The following ST6GALNAC3 variants were observed in gnomAD, a reference collection of about 807,000 sequenced individuals.
The protein encoded by ST6GALNAC3 is ST6 N-acetylgalactosaminide alpha-2,6-sialyltransferase 3.
A neutral mutation model predicts 32.7 loss-of-function variants in ST6GALNAC3; 25 were observed. The ratio of observed to expected loss-of-function variants is 0.76; its 90% CI spans 0.56 to 1.07. ST6GALNAC3 has a LOEUF of 1.07. Among genes scored for constraint, ST6GALNAC3 ranks in the 50% least tolerant of loss-of-function variants. The probability of loss-of-function intolerance (pLI) is 0.00; values close to 1 mark genes in which losing one functional copy is unlikely to be tolerated. For missense variants in ST6GALNAC3, 355 were observed against 382.4 expected, an observed-to-expected ratio of 0.93 and a Z score of 0.60; for synonymous variants, 129 against 133.1, an observed-to-expected ratio of 0.97 and a Z score of 0.21.
At chr1:76,480,552 G>T (rs1022408690) in intron 3 of ST6GALNAC3, among the ~76,000 whole-genome samples, 1 of 152,058 alleles carries the variant, frequency 6.6e-6, no homozygotes, top group African/African-American at 2.4e-5. Context: ...GTCTCCTGTA[G>T]GGGTACATAG....
intron 2 of ST6GALNAC3, among the ~76,000 whole-genome samples, chr1:76,349,640 A>G (rs1238039517): frequency 6.6e-6 from 1 of 152,178 alleles, no homozygotes; most frequent in Non-Finnish European, 1.5e-5. Context: ...AGATAGAACC[A>G]TCCTGATATA....
At chr1:76,218,627 A>G (rs952205970) in intron 1 of ST6GALNAC3, among the ~76,000 whole-genome samples, 9 of 152,220 alleles carry the variant, frequency 5.9e-5, no homozygotes, top group Admixed American at 6.5e-5. Flanking sequence ...TTATATATCA[A>G]CATTTATCTG....
intron 3 of ST6GALNAC3, among the ~76,000 whole-genome samples, chr1:76,494,468 T>TATATATATATATATATATACAC (rs1472545640): frequency 1.7e-5 from 1 of 59,526 alleles, no homozygotes; most frequent in Non-Finnish European, 2.9e-5. Flanking sequence ...TATATATATA[T>TATATATATATATATATATACAC]ACACACACAC....
chr1:76,239,506 A>G lies in ST6GALNAC3; in HGVS notation c.19-74299A>G, dbSNP rs573834345. 3.3e-3 allele frequency among the ~76,000 whole-genome samples: 509 copies of G among 152,244 alleles called. 3 individuals carry two copies. Among genetic ancestry groups the G allele is most frequent in the Non-Finnish European group, 5.0e-3 (337 of 68,006 alleles). Reference sequence around the variant, plus strand: ...CTCAGGAAGATTTTACTCATGGCAGAAGGCAAAGGGGGAGCAGGTGTGTCA... The same window carrying G: ...CTCAGGAAGATTTTACTCATGGCAGGAGGCAAAGGGGGAGCAGGTGTGTCA... On this transcript the variant is annotated intron_variant, in intron 1 of 4. Transcript: ENST00000328299.
At chr1:76,636,612 A>G (rs1388800660), downstream of ST6GALNAC3, among the ~76,000 whole-genome samples, 2 of 152,104 alleles carry the variant, frequency 1.3e-5, no homozygotes, top group African/African-American at 2.4e-5. Flanking sequence ...CCTTATATGC[A>G]TTCTCTCCCT....
At chr1:76,114,118 C>G in intron 1 of ST6GALNAC3, among the ~76,000 whole-genome samples, 1 of 151,180 alleles carries the variant, frequency 6.6e-6, no homozygotes, top group East Asian at 1.9e-4. Flanking sequence ...GCTGGGATTA[C>G]AGACATGAGT....
intron 1 of ST6GALNAC3, among the ~76,000 whole-genome samples, chr1:76,249,069 A>C (rs1657468366): frequency 6.6e-6 from 1 of 152,204 alleles, no homozygotes; most frequent in African/African-American, 2.4e-5. Context: ...GTATATAGTC[A>C]TAAGTTACTT....
intron 1 of ST6GALNAC3, among the ~76,000 whole-genome samples, chr1:76,213,005 A>G (rs1655253695): frequency 6.6e-6 from 1 of 152,204 alleles, no homozygotes; most frequent in African/African-American, 2.4e-5. Context: ...CTTGAAACGA[A>G]TAGCTGAATT....
At chr1:76,262,162 C>T (rs1322861786) in intron 1 of ST6GALNAC3, among the ~76,000 whole-genome samples, 1 of 152,180 alleles carries the variant, frequency 6.6e-6, no homozygotes, top group Non-Finnish European at 1.5e-5. Flanking sequence ...ATGTGCTCAG[C>T]ACGCTTTACC....
intron 2 of ST6GALNAC3, among the ~76,000 whole-genome samples, chr1:76,335,821 G>A (rs893378708): frequency 6.6e-6 from 1 of 152,110 alleles, no homozygotes; most frequent in Non-Finnish European, 1.5e-5. Flanking sequence ...GCACCAGGTG[G>A]GTTGACTGAC....
chr1:76,475,204 G>C (rs184642474), intron 3 of ST6GALNAC3, among the ~76,000 whole-genome samples: 1 of 152,274 alleles, frequency 6.6e-6, no homozygotes, highest in East Asian at 1.9e-4. Flanking sequence ...CTTTAAAAGG[G>C]AGACAGTGTA....
intron 3 of ST6GALNAC3, among the ~76,000 whole-genome samples, chr1:76,568,012 T>C (rs1044276448): frequency 3.9e-5 from 6 of 152,210 alleles, no homozygotes; most frequent in African/African-American, 1.4e-4. Flanking sequence ...GAGAAGAGGC[T>C]TTAAAAATTA....
chr1:76,421,610 C>T (rs577991177), intron 3 of ST6GALNAC3, among the ~76,000 whole-genome samples: 113 of 152,046 alleles, frequency 7.4e-4, no homozygotes, highest in Non-Finnish European at 7.5e-4. Flanking sequence ...CATAAAACAA[C>T]CTGAGCTTCT....
At chr1:76,264,402 T>C (rs1055933769) in intron 1 of ST6GALNAC3, among the ~76,000 whole-genome samples, 1 of 152,216 alleles carries the variant, frequency 6.6e-6, no homozygotes, top group Non-Finnish European at 1.5e-5. Context: ...ATACTTGGGT[T>C]CACCAAGCAC....
intron 3 of ST6GALNAC3, among the ~76,000 whole-genome samples, chr1:76,490,913 C>T (rs573073651): frequency 6.6e-6 from 1 of 150,964 alleles, no homozygotes. Context: ...GGCTGGAGTG[C>T]AATGGCGTGA....
intron 3 of ST6GALNAC3, among the ~76,000 whole-genome samples, chr1:76,510,994 A>G (rs1166493641): frequency 1.3e-5 from 2 of 152,204 alleles, no homozygotes; most frequent in Non-Finnish European, 2.9e-5. Flanking sequence ...GACTATCTGT[A>G]TGTATTAACT....
At chr1:76,344,421 T>C (rs1648321899) in intron 2 of ST6GALNAC3, among the ~76,000 whole-genome samples, 1 of 152,190 alleles carries the variant, frequency 6.6e-6, no homozygotes, top group Admixed American at 6.5e-5. Context: ...TTCCCTGCAT[T>C]ATTTTTTTCT....
chr1:76,465,638 A>G (rs778284547), intron 3 of ST6GALNAC3, among the ~76,000 whole-genome samples: 3 of 152,170 alleles, frequency 2.0e-5, no homozygotes, highest in African/African-American at 4.8e-5. Flanking sequence ...TTTAAATGTC[A>G]TATTAGCCAA....
At chr1:76,143,852 G>T (rs939370489) in intron 1 of ST6GALNAC3, among the ~76,000 whole-genome samples, 1 of 152,160 alleles carries the variant, frequency 6.6e-6, no homozygotes, top group Non-Finnish European at 1.5e-5. Context: ...TTGAGAGGGG[G>T]CTTGGAGTTA....
Sources: allele counts gnomAD v4.1 joint callset (sites outside exome capture counted in the v4.1 genomes callset), GRCh38; gene constraint gnomAD v4.1.1; transcripts MANE v1.5; gene names NCBI Gene and HGNC (gene_info 2026-07-23, HGNC 2026-07-21).